Variants in B3GALT1 observed in about 807,000 individuals in gnomAD.
B3GALT1 encodes the protein UDP-Gal:betaGlcNAc beta 1,3-galactosyltransferase, polypeptide 1.
In B3GALT1, 10 loss-of-function variants were observed where a neutral mutation model predicts 23.2. The ratio of observed to expected loss-of-function variants is 0.43; its 90% CI spans 0.27 to 0.73. The LOEUF is 0.73. Ranked by LOEUF, B3GALT1 falls within the 30% of genes least tolerant of loss-of-function variation. The pLI, the probability that B3GALT1 is intolerant of heterozygous loss-of-function variation, is 0.21. For missense variants in B3GALT1, 299 were observed against 405.4 expected, an observed-to-expected ratio of 0.74 and a Z score of 2.25; for synonymous variants, 156 against 141.5, an observed-to-expected ratio of 1.10 and a Z score of -0.73.
intron 3 of B3GALT1, among the ~76,000 whole-genome samples, chr2:167,801,428 A>G (rs975068476): frequency 3.9e-5 from 6 of 152,188 alleles, no homozygotes; most frequent in African/African-American, 1.4e-4. Flanking sequence ...CTTGAGTCTT[A>G]TATTTGTGAT....
intron 1 of B3GALT1, among the ~76,000 whole-genome samples, chr2:167,388,052 G>C (rs754014541): frequency 2.0e-5 from 3 of 152,192 alleles, no homozygotes; most frequent in Non-Finnish European, 4.4e-5. Context: ...ATTGGGCAGA[G>C]AGATAGCTTT....
chr2:167,810,243 C>T (rs1299253063), intron 3 of B3GALT1, among the ~76,000 whole-genome samples: 2 of 150,962 alleles, frequency 1.3e-5, no homozygotes, highest in African/African-American at 5.0e-5. Context: ...GAGGTGATGC[C>T]TCGCCCTGCT....
At chr2:167,425,812 G>A (rs1309677512) in intron 1 of B3GALT1, among the ~76,000 whole-genome samples, 2 of 152,128 alleles carry the variant, frequency 1.3e-5, no homozygotes, top group African/African-American at 2.4e-5. Flanking sequence ...ATGAGCACAG[G>A]AGATGCATGT....
At chr2:167,430,744 A>C (rs1574075548) in intron 1 of B3GALT1, among the ~76,000 whole-genome samples, 1 of 152,218 alleles carries the variant, frequency 6.6e-6, no homozygotes, top group East Asian at 1.9e-4. Context: ...TGTAGGAGCC[A>C]GTTTTGGGGA....
intron 1 of B3GALT1, among the ~76,000 whole-genome samples, chr2:167,304,965 C>G (rs1255869545): frequency 6.6e-6 from 1 of 152,200 alleles, no homozygotes; most frequent in East Asian, 1.9e-4. Flanking sequence ...GCAAATTCAC[C>G]CTTCCTCTGA....
chr2:167,504,973 G>A (rs978810132), intron 2 of B3GALT1, among the ~76,000 whole-genome samples: 1 of 152,098 alleles, frequency 6.6e-6, no homozygotes, highest in African/African-American at 2.4e-5. Context: ...ATGACTATAT[G>A]TACAGCCATA....
At chr2:167,710,874 G>A (rs1034285588) in intron 3 of B3GALT1, among the ~76,000 whole-genome samples, 2 of 152,274 alleles carry the variant, frequency 1.3e-5, no homozygotes, top group African/African-American at 2.4e-5. Flanking sequence ...TAAATAGCCC[G>A]TAGCTGGTCT....
chr2:167,294,988 G>A (rs980211573), intron 1 of B3GALT1, among the ~76,000 whole-genome samples: 1 of 152,178 alleles, frequency 6.6e-6, no homozygotes, highest in Non-Finnish European at 1.5e-5. Flanking sequence ...TAGAAAATCA[G>A]GAGGGAGCTG....
intron 1 of B3GALT1, among the ~76,000 whole-genome samples, chr2:167,372,345 G>A (rs1697699385): frequency 6.6e-6 from 1 of 152,012 alleles, no homozygotes; most frequent in African/African-American, 2.4e-5. Flanking sequence ...GAAAATGGAT[G>A]GAAGCATCCT....
At chr2:167,802,609 T>C (rs1688659618) in intron 3 of B3GALT1, among the ~76,000 whole-genome samples, 1 of 152,234 alleles carries the variant, frequency 6.6e-6, no homozygotes, top group South Asian at 2.1e-4. Flanking sequence ...CATCTTAATA[T>C]AACCAAATGG....
chr2:167,375,229 T>C (rs1697744551), intron 1 of B3GALT1, among the ~76,000 whole-genome samples: 1 of 152,170 alleles, frequency 6.6e-6, no homozygotes, highest in Admixed American at 6.5e-5. Context: ...CCATGCTGTT[T>C]TGGTTACTGT....
At chr2:167,511,735 T>A (rs1031480418) in intron 2 of B3GALT1, among the ~76,000 whole-genome samples, 4 of 152,304 alleles carry the variant, frequency 2.6e-5, no homozygotes, top group African/African-American at 7.2e-5. Flanking sequence ...TTCCTACTTT[T>A]CTGTATTTTG....
intron 2 of B3GALT1, among the ~76,000 whole-genome samples, chr2:167,502,037 G>A (rs1032982409): frequency 1.3e-4 from 19 of 151,960 alleles, no homozygotes; most frequent in Non-Finnish European, 2.1e-4. Flanking sequence ...TAATGGAAAC[G>A]AAAAATAAAA....
chr2:167,660,812 C>T (rs991493978), intron 3 of B3GALT1, among the ~76,000 whole-genome samples: 1 of 152,002 alleles, frequency 6.6e-6, no homozygotes, highest in African/African-American at 2.4e-5. Flanking sequence ...AGTGATTGTA[C>T]GATTGCATTG....
chr2:167,838,980 C>A (rs1358780331), intron 4 of B3GALT1, among the ~76,000 whole-genome samples: 1 of 152,336 alleles, frequency 6.6e-6, no homozygotes, highest in Non-Finnish European at 1.5e-5. Flanking sequence ...TTCAACAACC[C>A]TTCATGCTAA....
intron 1 of B3GALT1, among the ~76,000 whole-genome samples, chr2:167,400,206 A>C (rs371647279): frequency 9.9e-5 from 6 of 60,596 alleles, no homozygotes; most frequent in East Asian, 5.4e-4. Context: ...GTGTGTGTGT[A>C]TGTGTGTTAG....
chr2:167,441,112 A>C (rs1470886280), intron 1 of B3GALT1, among the ~76,000 whole-genome samples: 1 of 152,076 alleles, frequency 6.6e-6, no homozygotes, highest in Non-Finnish European at 1.5e-5. Flanking sequence ...GGCTGTCAGG[A>C]TTGGATGGGG....
Position 167,335,687 on chromosome 2 carries a change from C to T in B3GALT1, c.-511+42353C>T, listed in dbSNP as rs1039786590. ...AGGAGTGTCTCTTAGCATGCTAATG[C>T]ATTATAATTAGTGTATAATGAGCAG... On this transcript the variant is annotated intron_variant, in intron 1 of 4. Coordinates refer to ENST00000392690, the MANE Select transcript of B3GALT1 (RefSeq NM_020981.4). 2.6e-5 allele frequency among the ~76,000 whole-genome samples: 4 copies of T among 152,166 alleles called. No individual in the cohort carries two copies. The East Asian group carries it at 7.7e-4, about 29-fold the overall frequency.
At chr2:167,814,925 C>T (rs1197745474) in intron 3 of B3GALT1, 3 of 152,176 alleles carry the variant, frequency 2.0e-5, no homozygotes, top group South Asian at 2.1e-4. Context: ...GTGTTATAAA[C>T]GTATGTGCCA....
Sources: gnomAD v4.1 joint callset for allele counts (sites outside exome capture counted in the v4.1 genomes callset) on GRCh38, gnomAD v4.1.1 for gene constraint, MANE v1.5 for transcripts, NCBI Gene and HGNC (gene_info 2026-07-23, HGNC 2026-07-21) for gene names.